TAF1D: variants seen among roughly 807,000 people sequenced by gnomAD.
TAF1D encodes the protein TATA-box binding protein associated factor, RNA polymerase I subunit D, also known as TATA box-binding protein-associated factor RNA polymerase I subunit D.
A neutral mutation model predicts 26.2 loss-of-function variants in TAF1D; 23 were observed. That is an observed-to-expected ratio of 0.88 (90% CI 0.63 to 1.25). The LOEUF is 1.25. Ranked by LOEUF, TAF1D falls within the 50% of genes most tolerant of loss-of-function variation. The probability of loss-of-function intolerance (pLI) is 0.00; values close to 1 mark genes in which losing one functional copy is unlikely to be tolerated. For synonymous variants in TAF1D, 100 were observed against 105.6 expected, an observed-to-expected ratio of 0.95 and a Z score of 0.33; for missense variants, 299 against 322.0, an observed-to-expected ratio of 0.93 and a Z score of 0.55.
chr11:93,739,270 A>T lies in TAF1D; in HGVS notation c.35T>A (p.Val12Glu). Residue 12 changes from valine (V) to glutamate (E), a missense_variant, in exon 2 of 6, where the codon GTG becomes GAG. Coordinates refer to ENST00000448108, the MANE Select transcript of TAF1D (RefSeq NM_024116.4). The stretch of plus-strand genomic sequence containing the variant: ...TGCAAGTTCCACAGCATCAGATGTC[A>T]CATGGTCAAGAGAATCTATTCCTGA... Reference protein sequence around the residue: ...DKSGIDSLDHVTSDAVELANR... With the variant: ...DKSGIDSLDHETSDAVELANR... The T allele has an allele frequency of 6.2e-7, 1 of 1,613,188 alleles. No homozygotes were observed. The highest frequency in any genetic ancestry group is 1.1e-5 in the South Asian group (1 of 90,786).
downstream of TAF1D, chr11:93,734,883 C>A (rs1940352035): frequency 1.3e-6 from 1 of 794,404 alleles, no homozygotes; most frequent in Non-Finnish European, 1.7e-6. Flanking sequence ...AGCCTCCCCC[C>A]TTTCTGAGTA....
intron 1 of TAF1D, among the ~76,000 whole-genome samples, chr11:93,740,212 T>TAACTGAGCCTGGGAGGTGGAGC (rs1211718022): frequency 1.2e-3 from 175 of 151,666 alleles, no homozygotes; most frequent in African/African-American, 4.1e-3. Flanking sequence ...GTAGGTGGAA[T>TAACTGAGCCTGGGAGGTGGAGC]ACCTGAGCCT....
downstream of TAF1D, chr11:93,733,123 T>C: frequency 2.3e-6 from 1 of 440,542 alleles, no homozygotes; most frequent in Non-Finnish European, 4.5e-6. Context: ...CATTCATTCC[T>C]ATAGAAAGTA....
At chr11:93,730,652 A>G (rs761259541), downstream of TAF1D, 2 of 535,842 alleles carry the variant, frequency 3.7e-6, no homozygotes, top group Non-Finnish European at 3.7e-6. Context: ...GACCCATACA[A>G]ATGTCTTTTC....
At chr11:93,732,567 C>G (rs1042185301), downstream of TAF1D, 14 of 430,468 alleles carry the variant, frequency 3.3e-5, no homozygotes, top group African/African-American at 2.0e-4. Context: ...TTTCACAAAC[C>G]TCTCAAATTC....
At chr11:93,732,819 T>C (rs1939536199), downstream of TAF1D, 1 of 236,690 alleles carries the variant, frequency 4.2e-6, no homozygotes, top group African/African-American at 2.3e-5. Context: ...TCCCTATTGA[T>C]TCAACATATC....
chr11:93,735,659 ACT>A lies in TAF1D; in HGVS notation c.*500_*501del, dbSNP rs372742675. 1.1e-3 allele frequency: 1,042 copies of A among 987,828 alleles called. 11 individuals are homozygous for A. In the African/African-American group the frequency reaches 0.016, roughly 15 times the overall value. The allele number at this position is 987,828 out of a possible 1,614,324, so 61.2% of individuals were successfully genotyped here. ...ACTACAGCCTGGGTGACAGATCGAG[ACT>A]CTGTCTAAAAAAAATAGTATTAAAG... On this transcript the variant is annotated 3_prime_UTR_variant, in exon 6 of 6. Coordinates refer to ENST00000448108, the MANE Select transcript of TAF1D (RefSeq NM_024116.4).
chr11:93,731,733 T>C (rs1938967057), downstream of TAF1D: 1 of 354,408 alleles, frequency 2.8e-6, no homozygotes, highest in African/African-American at 2.1e-5. Flanking sequence ...CATGGCCTTT[T>C]AAGTAATGAA....
downstream of TAF1D, chr11:93,730,567 CTA>C (rs766669853): frequency 2.9e-5 from 18 of 619,170 alleles, no homozygotes; most frequent in Non-Finnish European, 6.1e-6. Context: ...CTATGGCTTC[CTA>C]TAGAGAACTT....
At chr11:93,731,439 T>A, downstream of TAF1D, 1 of 509,210 alleles carries the variant, frequency 2.0e-6, no homozygotes. Flanking sequence ...ATCATGTTTC[T>A]GGTAACTTTT....
At chr11:93,730,650 C>CA, downstream of TAF1D, 1 of 537,822 alleles carries the variant, frequency 1.9e-6, no homozygotes, top group Non-Finnish European at 3.7e-6. Context: ...ATGACCCATA[C>CA]AAATGTCTTT....
chr11:93,740,689 AG>A (rs1941799289), intron 1 of TAF1D, among the ~76,000 whole-genome samples: 1 of 152,174 alleles, frequency 6.6e-6, no homozygotes, highest in African/African-American at 2.4e-5. Context: ...AGGTCTTACT[AG>A]TTTTTTTAAG....
Position 93,736,758 on chromosome 11 carries a change from T to A in TAF1D, c.636-7A>T, listed in dbSNP as rs1486666271. ...TGCATCCTCATCCTCTGCTCTGTAA[T>A]ATTAAAATTTATCATCGAGATGACA... is the stretch of plus-strand genomic sequence containing the variant. On this transcript the variant is annotated splice_region_variant and splice_polypyrimidine_tract_variant and intron_variant, in intron 4 of 5. Coordinates refer to ENST00000448108, the MANE Select transcript of TAF1D (RefSeq NM_024116.4). 1 of 1,604,360 alleles carries A rather than the reference T, an allele frequency of 6.2e-7. No individual in the cohort carries two copies. Among genetic ancestry groups the A allele is most frequent in the Non-Finnish European group, 8.5e-7 (1 of 1,177,058 alleles).
intron 1 of TAF1D, 25 bp downstream of exon 1, chr11:93,741,297 C>G (rs1461462859): frequency 4.4e-6 from 2 of 456,062 alleles, no homozygotes; most frequent in Non-Finnish European, 8.8e-6. Flanking sequence ...CAGGCCCGGA[C>G]GGCCTCGCCC....
chr11:93,736,621 T>A (rs1940842307), intron 5 of TAF1D, 73 bp downstream of exon 5: 3 of 1,558,314 alleles, frequency 1.9e-6, no homozygotes, highest in Non-Finnish European at 2.6e-6. Flanking sequence ...AGAGAAAAAC[T>A]AAATATAATT....
intron 3 of TAF1D, 40 bp from the exon 4 acceptor site, chr11:93,737,279 T>C (rs1163921149): frequency 6.8e-7 from 1 of 1,461,450 alleles, no homozygotes; most frequent in East Asian, 2.4e-5. Context: ...GAGATTTTAT[T>C]TTTAAGACCC....
intron 1 of TAF1D, among the ~76,000 whole-genome samples, chr11:93,740,333 G>A (rs1941657079): frequency 1.3e-5 from 2 of 148,534 alleles, no homozygotes; most frequent in South Asian, 4.2e-4. Flanking sequence ...TTTGCTCCCA[G>A]CCACTCGGGA....
Position 93,738,301 on chromosome 11 carries a change from C to CT in TAF1D, c.266dup (p.Arg90GlufsTer3), listed in dbSNP as rs1415348329. On this transcript the variant is annotated frameshift_variant, in exon 3 of 6. Coordinates refer to ENST00000448108, the MANE Select transcript of TAF1D (RefSeq NM_024116.4). LOFTEE classifies it high-confidence loss of function. ...TCCTCTTTTTCTTTTTTTTATATCT[C>CT]TTTTTCCTGTTCTTGAATCTTTCAA... 1.2e-6 allele frequency: 2 copies of CT among 1,608,050 alleles called. No individual in the cohort carries two copies. The highest frequency in any genetic ancestry group is 1.7e-6 in the Non-Finnish European group (2 of 1,178,620).
In TAF1D at chr11:93,736,072, C is replaced by T. The variant is rs1940700183; in HGVS notation, c.*89G>A. On this transcript the variant is annotated 3_prime_UTR_variant, in exon 6 of 6. Transcript: ENST00000448108. ...CTGGGTTTCAGAATTTCTTCACCACCAGACTGGTACATATATCCACATTTA... is the reference window on the plus strand; with the variant it reads ...CTGGGTTTCAGAATTTCTTCACCACTAGACTGGTACATATATCCACATTTA... 29 of 1,549,548 alleles carry T rather than the reference C, an allele frequency of 1.9e-5. No individual in the cohort carries two copies. The highest frequency in any genetic ancestry group is 6.1e-6 in the Non-Finnish European group (7 of 1,156,974).
Sources: allele counts gnomAD v4.1 joint callset (sites outside exome capture counted in the v4.1 genomes callset), GRCh38; gene constraint gnomAD v4.1.1; transcripts MANE v1.5; gene names NCBI Gene and HGNC (gene_info 2026-07-23, HGNC 2026-07-21).